Variants in MYO16 observed in about 807,000 individuals in gnomAD.
MYO16 encodes unconventional myosin-XVI.
A neutral mutation model predicts 205.3 loss-of-function variants in MYO16; 94 were observed. The observed-to-expected ratio is 0.46, with a 90% confidence interval of 0.39 to 0.54. The LOEUF is 0.54. Among genes scored for constraint, MYO16 ranks in the 20% least tolerant of loss-of-function variants. The pLI, the probability that MYO16 is intolerant of heterozygous loss-of-function variation, is 0.00. For synonymous variants in MYO16, 988 were observed against 954.0 expected, an observed-to-expected ratio of 1.04 and a Z score of -0.66; for missense variants, 2,315 against 2,387.5, an observed-to-expected ratio of 0.97 and a Z score of 0.63.
At chr13:108,736,485 T>TC (rs1884704567) in intron 4 of MYO16, among the ~76,000 whole-genome samples, 1 of 152,132 alleles carries the variant, frequency 6.6e-6, no homozygotes, top group South Asian at 2.1e-4. Flanking sequence ...AGGCCTCTGT[T>TC]CGTTCCATTG....
chr13:109,192,922 C>T (rs9515006), intron 34 of MYO16, among the ~76,000 whole-genome samples: 5,561 of 152,280 alleles, frequency 0.037, 150 homozygotes, highest in South Asian at 0.07. Context: ...TGCTGTTAGG[C>T]ATTAACATTT....
chr13:109,058,717 T>G (rs1206376006), intron 27 of MYO16, among the ~76,000 whole-genome samples: 1 of 152,104 alleles, frequency 6.6e-6, no homozygotes, highest in Non-Finnish European at 1.5e-5. Context: ...GTGGCTGTAG[T>G]AATCTCTTAA....
At chr13:108,579,855 A>G in the MYO16 span, among the ~76,000 whole-genome samples, 1 of 152,214 alleles carries the variant, frequency 6.6e-6, no homozygotes, top group East Asian at 1.9e-4. Flanking sequence ...TAATTAATGC[A>G]TATAGCTGGC....
At chr13:109,144,765 T>C (rs1412543476) in intron 32 of MYO16, among the ~76,000 whole-genome samples, 1 of 152,218 alleles carries the variant, frequency 6.6e-6, no homozygotes, top group East Asian at 1.9e-4. Context: ...AGGTTCAAAA[T>C]GTTCTCCTTG....
chr13:108,741,014 T>A (rs1270793315), intron 4 of MYO16, among the ~76,000 whole-genome samples: 1 of 152,156 alleles, frequency 6.6e-6, no homozygotes, highest in Non-Finnish European at 1.5e-5. Context: ...GTGACCCGAT[T>A]TTCCAGGTGC....
chr13:108,621,259 A>C (rs2139335289), intron 1 of MYO16, among the ~76,000 whole-genome samples: 1 of 152,186 alleles, frequency 6.6e-6, no homozygotes, highest in South Asian at 2.1e-4. Flanking sequence ...TCTAGGTCTG[A>C]TTCATGACTG....
intron 1 of MYO16, among the ~76,000 whole-genome samples, chr13:108,649,814 G>T (rs1880919827): frequency 6.6e-6 from 1 of 152,272 alleles, no homozygotes; most frequent in East Asian, 1.9e-4. Flanking sequence ...AAACTTATCT[G>T]TGAATTGGTT....
At position 108,844,409 on chromosome 13, in the gene MYO16, T is replaced by C. The variant is rs759937521; in HGVS notation, c.1164T>C (p.Asp388=). 5 of 1,613,564 alleles carry C rather than the reference T, an allele frequency of 3.1e-6. No individual in the cohort carries two copies. Among genetic ancestry groups the C allele is most frequent in the South Asian group, 2.2e-5 (2 of 91,046 alleles). The change falls in exon 10 of 35, where the codon GAT becomes GAC. Residue 388 remains aspartate, a synonymous_variant. Transcript: ENST00000457511. ...SLLEKDIMFK[D]ATKGLCKQQS... ...TGGAAAAAGACATTATGTTCAAAGA[T>C]GCAACAAAAGGTCTGTGTAAGCAGC...
intron 32 of MYO16, among the ~76,000 whole-genome samples, chr13:109,156,251 G>A (rs1205481590): frequency 2.6e-5 from 4 of 152,136 alleles, no homozygotes; most frequent in East Asian, 1.9e-4. Flanking sequence ...AAGCGCTGTC[G>A]AGCTGCGACT....
chr13:108,616,311 A>G (rs1384154202), intron 1 of MYO16, among the ~76,000 whole-genome samples: 1 of 152,210 alleles, frequency 6.6e-6, no homozygotes, highest in Non-Finnish European at 1.5e-5. Flanking sequence ...GTGCCTAAGT[A>G]CAAAACAAGT....
chr13:108,574,648 AG>A, the MYO16 span, among the ~76,000 whole-genome samples: 4 of 148,086 alleles, frequency 2.7e-5, no homozygotes, highest in African/African-American at 7.5e-5. Flanking sequence ...TTTCCACAGC[AG>A]GGGGCCTACC....
At chr13:108,809,808 A>G (rs1376224085) in intron 7 of MYO16, among the ~76,000 whole-genome samples, 2 of 152,216 alleles carry the variant, frequency 1.3e-5, no homozygotes, top group Non-Finnish European at 2.9e-5. Flanking sequence ...TCACTGGAAT[A>G]GAAAGGGCCA....
chr13:108,951,201 C>T (rs967826276), intron 16 of MYO16, among the ~76,000 whole-genome samples: 7 of 152,192 alleles, frequency 4.6e-5, no homozygotes, highest in Non-Finnish European at 8.8e-5. Flanking sequence ...GAACACCTGT[C>T]TTGGAGAAAC....
intron 1 of MYO16, among the ~76,000 whole-genome samples, chr13:108,600,990 GA>G (rs1292566820): frequency 1.3e-5 from 2 of 151,998 alleles, no homozygotes; most frequent in African/African-American, 4.8e-5. Flanking sequence ...AAGAGAGAGA[GA>G]AAAAAGTAAT....
At chr13:108,736,357 T>C (rs1343637767) in intron 4 of MYO16, among the ~76,000 whole-genome samples, 6 of 152,122 alleles carry the variant, frequency 3.9e-5, no homozygotes, top group South Asian at 4.1e-4. Context: ...CAGCTTTCTA[T>C]GTATGGCTAG....
chr13:108,754,068 ATAGCATGCAGAACAAGCTG>A (rs1885338674), intron 4 of MYO16, among the ~76,000 whole-genome samples: 1 of 152,084 alleles, frequency 6.6e-6, no homozygotes, highest in African/African-American at 2.4e-5. Flanking sequence ...GCACTCAGCT[ATAGCATGCAGAACAAGCTG>A]TAGCATGCAG....
chr13:108,752,411 A>C (rs1172379747), intron 4 of MYO16, among the ~76,000 whole-genome samples: 1 of 152,176 alleles, frequency 6.6e-6, no homozygotes, highest in Non-Finnish European at 1.5e-5. Flanking sequence ...AGATTCGTAC[A>C]AAGGTTATAC....
chr13:108,823,095 T>A, intron 8 of MYO16, 30 bp from the exon 9 acceptor site: 1 of 1,589,806 alleles, frequency 6.3e-7, no homozygotes, highest in Non-Finnish European at 8.5e-7. Flanking sequence ...ACCCATCATT[T>A]TTCTGATTTT....
chr13:108,893,050 T>C (rs1224912041), intron 14 of MYO16, among the ~76,000 whole-genome samples: 1 of 152,228 alleles, frequency 6.6e-6, no homozygotes, highest in African/African-American at 2.4e-5. Flanking sequence ...TCTAGTCTCA[T>C]GAAAAAATAT....
Sources: allele counts gnomAD v4.1 joint callset (sites outside exome capture counted in the v4.1 genomes callset), GRCh38; gene constraint gnomAD v4.1.1; transcripts MANE v1.5; gene names NCBI Gene and HGNC (gene_info 2026-07-23, HGNC 2026-07-21).